The following MAP3K8 variants were observed in gnomAD, a reference collection of about 807,000 sequenced individuals.
MAP3K8 encodes the protein Ewing sarcoma transformant.
A neutral mutation model predicts 45.8 loss-of-function variants in MAP3K8; 22 were observed. That is an observed-to-expected ratio of 0.48 (90% CI 0.34 to 0.69). The LOEUF (loss-of-function observed/expected upper bound fraction) is 0.69, where lower values mean the gene tolerates loss of function less well. MAP3K8 is among the 30% of genes least tolerant of loss of function. The pLI, the probability that MAP3K8 is intolerant of heterozygous loss-of-function variation, is 0.01. For missense variants in MAP3K8, 419 were observed against 585.0 expected, an observed-to-expected ratio of 0.72 and a Z score of 2.93; for synonymous variants, 223 against 214.3, an observed-to-expected ratio of 1.04 and a Z score of -0.36.
At chr10:30,448,416 T>TTTC (rs397822906) in intron 4 of MAP3K8, among the ~76,000 whole-genome samples, 1 of 147,166 alleles carries the variant, frequency 6.8e-6, no homozygotes, top group African/African-American at 2.5e-5. Context: ...ATCCCAAATT[T>TTTC]ATTATTATTA....
At chr10:30,440,725 A>G (rs1372677362) in intron 3 of MAP3K8, among the ~76,000 whole-genome samples, 2 of 152,200 alleles carry the variant, frequency 1.3e-5, no homozygotes, top group Admixed American at 6.5e-5. Context: ...AGTTATATAT[A>G]TGTCTATACC....
At chr10:30,443,652 T>A (rs891381859) in intron 3 of MAP3K8, among the ~76,000 whole-genome samples, 2 of 152,242 alleles carry the variant, frequency 1.3e-5, no homozygotes, top group Admixed American at 6.5e-5. Context: ...TATGCCTGCA[T>A]GAATATAGAT....
intron 8 of MAP3K8, among the ~76,000 whole-genome samples, chr10:30,459,997 C>A (rs1836877514): frequency 6.6e-6 from 1 of 152,060 alleles, no homozygotes; most frequent in Non-Finnish European, 1.5e-5. Context: ...TGCCCACCAC[C>A]ACGTCTGGCT....
At position 30,434,191 on chromosome 10, in the gene MAP3K8, C is replaced by A. The variant is rs1316051569; in HGVS notation, c.-442C>A. The stretch of plus-strand genomic sequence containing the variant: ...GCGGGCGACGCGGGTCTCACTCGTC[C>A]GCTCCGCTCTGGACTGCGCGCCACG... On this transcript the variant is annotated 5_prime_UTR_variant, in exon 1 of 9. Coordinates refer to ENST00000263056, the MANE Select transcript of MAP3K8 (RefSeq NM_005204.4). 6.5e-6 allele frequency: 1 copy of A among 152,962 alleles called. No individual in the cohort carries two copies. The highest frequency in any genetic ancestry group is 1.9e-4 in the East Asian group (1 of 5,186). 9.5% of individuals were successfully genotyped at this position (152,962 alleles called of 1,614,324 possible).
intron 1 of MAP3K8, chr10:30,434,849 G>C: frequency 1.1e-6 from 1 of 901,672 alleles, no homozygotes; most frequent in Non-Finnish European, 1.3e-6. Flanking sequence ...AGAACCAGGA[G>C]GAAAGGAGTG....
chr10:30,442,159 G>T (rs958454138), intron 3 of MAP3K8, among the ~76,000 whole-genome samples: 21 of 152,250 alleles, frequency 1.4e-4, no homozygotes, highest in African/African-American at 5.1e-4. Context: ...TTGCTGCCTG[G>T]TGCATGCAGG....
intron 3 of MAP3K8, among the ~76,000 whole-genome samples, chr10:30,446,173 G>T (rs781160339): frequency 1.3e-5 from 2 of 152,164 alleles, no homozygotes; most frequent in Non-Finnish European, 2.9e-5. Flanking sequence ...GATTATAGGC[G>T]TGAGCCACCG....
intron 1 of MAP3K8, chr10:30,434,594 A>T (rs1190171344): frequency 1.0e-6 from 1 of 985,652 alleles, no homozygotes; most frequent in Non-Finnish European, 1.2e-6. Flanking sequence ...CGGGGTGCAG[A>T]CTCGCGACTC....
Position 30,461,401 on chromosome 10 carries a change from G to A in MAP3K8, c.*565G>A, listed in dbSNP as rs1165411511. ...CTAACTGATGAATTAGAAGCCATCT[G>A]ACAGCAGGCCACTAGTGACAGTTTC... On this transcript the variant is annotated 3_prime_UTR_variant, in exon 9 of 9. Transcript: ENST00000263056. The A allele has an allele frequency of 4.4e-5, 9 of 204,882 alleles. No individual in the cohort carries two copies. In the East Asian group the frequency reaches 6.8e-4, roughly 16 times the overall value. 12.7% of individuals were successfully genotyped at this position (204,882 alleles called of 1,614,324 possible).
At chr10:30,457,846 T>C (rs2132832418) in intron 6 of MAP3K8, among the ~76,000 whole-genome samples, 1 of 152,218 alleles carries the variant, frequency 6.6e-6, no homozygotes, top group South Asian at 2.1e-4. Context: ...CAGGCTGGTT[T>C]TGAACTCCTG....
chr10:30,445,618 G>A (rs1836296342), intron 3 of MAP3K8, among the ~76,000 whole-genome samples: 2 of 152,048 alleles, frequency 1.3e-5, no homozygotes, highest in South Asian at 2.1e-4. Context: ...TGTGAAAAGG[G>A]ACTAAATCTA....
intron 3 of MAP3K8, chr10:30,439,603 A>C (rs903166056): frequency 2.4e-6 from 1 of 410,956 alleles, no homozygotes; most frequent in Non-Finnish European, 4.3e-6. Flanking sequence ...TGAGGTCAGC[A>C]ATTAGAGACC....
chr10:30,461,221 A>G lies in MAP3K8; in HGVS notation c.*385A>G, dbSNP rs1836929561. 1 of 236,934 alleles carries G rather than the reference A, an allele frequency of 4.2e-6. No individual in the cohort carries two copies. The highest frequency in any genetic ancestry group is 5.5e-5 in the Admixed American group (1 of 18,150). The allele number at this position is 236,934 out of a possible 1,614,324, so 14.7% of individuals were successfully genotyped here. A position where few individuals can be genotyped will look rare whatever the true frequency, so the allele number is the denominator to read the frequency against. ...TATTTAAGTATGGAATATTCATTTT[A>G]CTCAGAATAGCTGTTTTGTGTATAT... On this transcript the variant is annotated 3_prime_UTR_variant, in exon 9 of 9. Transcript: ENST00000263056.
chr10:30,447,278 C>T (rs562686925), intron 3 of MAP3K8, among the ~76,000 whole-genome samples: 2 of 152,230 alleles, frequency 1.3e-5, no homozygotes, highest in Admixed American at 6.5e-5. Flanking sequence ...ATTTACATAG[C>T]ATTGTCAACT....
In MAP3K8 at chr10:30,460,800, T is replaced by A; in HGVS notation, c.1368T>A (p.Asn456Lys). 2 of 1,614,026 alleles carry A rather than the reference T, an allele frequency of 1.2e-6. No homozygotes were observed. Among genetic ancestry groups the A allele is most frequent in the Non-Finnish European group, 1.7e-6 (2 of 1,180,018 alleles). Residue 456 changes from asparagine to lysine, a missense_variant, in exon 9 of 9, where the codon AAT becomes AAA. Transcript: ENST00000263056. ...IDLGALAGYF[N>K]LVRGPPTLEY... is the part of the protein sequence containing the mutation. ...TCGGCGCTCTGGCTGGCTACTTCAA[T>A]CTTGTTCGGGGACCACCAACGCTTG... is the stretch of plus-strand genomic sequence containing the variant.
rs1836941292 is a variant in MAP3K8, at chr10:30,461,610, A to T, written c.*774A>T. ...AATTATTGATGATTTTGTAATTCTT[A>T]TGACTAAATTTTCTTTTAAGCATTT... On this transcript the variant is annotated 3_prime_UTR_variant, in exon 9 of 9. Transcript: ENST00000263056. 1 of 188,738 alleles carries T rather than the reference A, an allele frequency of 5.3e-6. No homozygotes were observed. The highest frequency in any genetic ancestry group is 1.1e-5 in the Non-Finnish European group (1 of 89,570). The allele number at this position is 188,738 out of a possible 1,614,324, so 11.7% of individuals were successfully genotyped here.
At position 30,440,189 on chromosome 10, in the gene MAP3K8, T is replaced by G. The variant is rs570538956; in HGVS notation, c.336+915T>G. ...TGATGTGTTTAGGTGTGCCTGGGAT[T>G]CTGTCAGGCTTTTAGTATGTCAGAG... On this transcript the variant is annotated intron_variant, in intron 3 of 8. Coordinates refer to ENST00000263056, the MANE Select transcript of MAP3K8 (RefSeq NM_005204.4). Among the ~76,000 whole-genome samples, 7 of 152,368 alleles carry G rather than the reference T, an allele frequency of 4.6e-5. No homozygotes were observed. The South Asian group carries it at 1.2e-3, about 27-fold the overall frequency.
chr10:30,457,708 C>T (rs1484045491), intron 6 of MAP3K8, among the ~76,000 whole-genome samples: 3 of 152,048 alleles, frequency 2.0e-5, no homozygotes, highest in South Asian at 4.1e-4. Flanking sequence ...TGCAGTGGTG[C>T]GATCTCGGCT....
chr10:30,455,168 T>C (rs1339563858), intron 6 of MAP3K8, among the ~76,000 whole-genome samples: 1 of 152,178 alleles, frequency 6.6e-6, no homozygotes, highest in Non-Finnish European at 1.5e-5. Context: ...TTGGTGTTTA[T>C]AAATATAAAC....
Sources: allele counts gnomAD v4.1 joint callset (sites outside exome capture counted in the v4.1 genomes callset), GRCh38; gene constraint gnomAD v4.1.1; transcripts MANE v1.5; gene names NCBI Gene and HGNC (gene_info 2026-07-23, HGNC 2026-07-21).